UBE3A: variants seen among roughly 807,000 people sequenced by gnomAD.
The protein encoded by UBE3A is ubiquitin protein ligase E3A, also known as ubiquitin-protein ligase E3A.
In UBE3A, 6 loss-of-function variants were observed where a neutral mutation model predicts 83.4. The ratio of observed to expected loss-of-function variants is 0.07; its 90% confidence interval spans 0.04 to 0.14. UBE3A has a LOEUF of 0.14. Ranked by LOEUF, UBE3A falls within the 10% of genes least tolerant of loss-of-function variation. The probability of loss-of-function intolerance (pLI) is 1.00; values close to 1 mark genes in which losing one functional copy is unlikely to be tolerated. For missense variants in UBE3A, 456 were observed against 1,036.1 expected (o/e 0.44, Z 7.69); for synonymous variants, 337 against 355.4 (o/e 0.95, Z 0.58).
intron 4 of UBE3A, among the ~76,000 whole-genome samples, chr15:25,401,067 A>G (rs1596185746): frequency 2.0e-5 from 3 of 152,204 alleles, no homozygotes; most frequent in South Asian, 4.1e-4. Context: ...TATTGAAATG[A>G]TAACATGGTT....
rs2074002070 is a variant in UBE3A, at chr15:25,337,096, C to T, written c.*2041G>A. On this transcript the variant is annotated 3_prime_UTR_variant, in exon 13 of 13. Coordinates refer to ENST00000648336, the MANE Select transcript of UBE3A (RefSeq NM_130839.5). ...AATTTTAAGGGTAGGTTCATTCTGA[C>T]TCTGTTAAAAGTCTACTTGATGTGA... is the stretch of plus-strand genomic sequence containing the variant. 6.6e-6 allele frequency: 1 copy of T among 152,088 alleles called. No homozygotes were observed. The highest frequency in any genetic ancestry group is 2.1e-4 in the South Asian group (1 of 4,826). 9.4% of individuals were successfully genotyped at this position (152,088 alleles called of 1,614,324 possible). A position where few individuals can be genotyped will look rare whatever the true frequency, so the allele number is the denominator to read the frequency against.
chr15:25,370,721 T>C lies in UBE3A; in HGVS notation c.1453A>G (p.Thr485Ala). Residue 485 changes from threonine (T) to alanine (A), a missense_variant, in exon 6 of 13, where the codon ACA (threonine) becomes GCA (alanine). Transcript: ENST00000648336. The surrounding 1 kb of genome is among the most constrained non-coding windows in gnomAD (Gnocchi z 4.2). ...MTCPFILNAVTKNLGLYYDNR... is the reference protein window; with the variant it reads ...MTCPFILNAVAKNLGLYYDNR... ...TCATAATATAATCCCAAATTCTTTGTGACAGCATTCAATATAAAGGGACAT... is the reference window on the plus strand; with the variant it reads ...TCATAATATAATCCCAAATTCTTTGCGACAGCATTCAATATAAAGGGACAT... 6.2e-7 allele frequency: 1 copy of C among 1,614,156 alleles called. No homozygotes were observed. The highest frequency in any genetic ancestry group is 8.5e-7 in the Non-Finnish European group (1 of 1,180,004).
chr15:25,388,134 C>A (rs1161031569), intron 4 of UBE3A, among the ~76,000 whole-genome samples: 1 of 152,122 alleles, frequency 6.6e-6, no homozygotes, highest in East Asian at 1.9e-4. Flanking sequence ...TACTCTAATA[C>A]CCAAACCAGA....
rs1042425515 is a variant in UBE3A, at chr15:25,348,011, T to C, written c.2354+6342A>G. 8.2e-4 allele frequency among the ~76,000 whole-genome samples: 125 copies of C among 151,970 alleles called. 2 individuals are homozygous for C. Among genetic ancestry groups the C allele is most frequent in the Admixed American group, 8.0e-3 (122 of 15,250 alleles). On this transcript the variant is annotated intron_variant, in intron 11 of 12. Coordinates refer to ENST00000648336, the MANE Select transcript of UBE3A (RefSeq NM_130839.5). Reference sequence around the variant, plus strand: ...GCAACACAGGATGAAAGTAAAATGATAGTAAAAGACAGATCATGCAAACAT... The same window carrying C: ...GCAACACAGGATGAAAGTAAAATGACAGTAAAAGACAGATCATGCAAACAT...
chr15:25,395,916 C>T (rs868612282), intron 4 of UBE3A, among the ~76,000 whole-genome samples: 26 of 152,262 alleles, frequency 1.7e-4, no homozygotes, highest in Middle Eastern at 3.4e-3. Context: ...CATAAAAAAT[C>T]TGATCTGGTT....
chr15:25,346,219 C>T (rs1020014622), intron 11 of UBE3A: 1 of 152,330 alleles, frequency 6.6e-6, no homozygotes, highest in Admixed American at 6.5e-5. Flanking sequence ...GTCCTCTTCC[C>T]TCACCCAAAC....
At position 25,361,805 on chromosome 15, in the gene UBE3A, T is replaced by C. The variant is rs555103587; in HGVS notation, c.1609-1278A>G. On this transcript the variant is annotated intron_variant, in intron 6 of 12. Transcript: ENST00000648336. ...CAGGATATTAAATGTTTTCAGGTTA[T>C]TCCAACTATTTCAAACAGAATTTTA... 2.0e-5 allele frequency among the ~76,000 whole-genome samples: 3 copies of C among 152,328 alleles called. No homozygotes were observed. The South Asian group carries it at 6.2e-4, about 32-fold the overall frequency.
chr15:25,426,522 T>C (rs1891366462), intron 1 of UBE3A, among the ~76,000 whole-genome samples: 1 of 152,228 alleles, frequency 6.6e-6, no homozygotes, highest in Non-Finnish European at 1.5e-5. Context: ...GGGTTTTTCC[T>C]TGAAGGAATC....
intron 4 of UBE3A, among the ~76,000 whole-genome samples, chr15:25,387,140 T>C (rs1285788849): frequency 1.3e-5 from 2 of 152,170 alleles, no homozygotes; most frequent in Non-Finnish European, 2.9e-5. Flanking sequence ...ATTGAAAATA[T>C]CATGAAAACA....
chr15:25,380,507 C>A (rs12899183), intron 4 of UBE3A, among the ~76,000 whole-genome samples: 57,599 of 151,594 alleles, frequency 0.38, 14,420 homozygotes, highest in African/African-American at 0.72. Flanking sequence ...CTGAGCAAAT[C>A]CGTAAAATAA....
Position 25,369,388 on chromosome 15 carries a change from A to AAC in UBE3A, c.1608+1177_1608+1178insGT, listed in dbSNP as rs747532342. ...CAAACCAGTAACAAAAAAAAAAAAA[A>AAC]CACACAAAATCTCTGCAATTTTTAA... is the stretch of plus-strand genomic sequence containing the variant. On this transcript the variant is annotated intron_variant, in intron 6 of 12. Transcript: ENST00000648336. Among the ~76,000 whole-genome samples the AAC allele has an allele frequency of 8.0e-3, 1,187 of 147,924 alleles. 17 individuals are homozygous for AAC. Among genetic ancestry groups the AAC allele is most frequent in the African/African-American group, 0.028 (1,101 of 39,566 alleles).
chr15:25,364,928 G>A (rs990867360), intron 6 of UBE3A, among the ~76,000 whole-genome samples: 2 of 151,762 alleles, frequency 1.3e-5, no homozygotes, highest in Non-Finnish European at 1.5e-5. Context: ...TTACAGGTGT[G>A]AGCCACCGCG....
chr15:25,414,367 A>C (rs540671350), intron 1 of UBE3A, among the ~76,000 whole-genome samples: 3 of 152,318 alleles, frequency 2.0e-5, no homozygotes, highest in African/African-American at 7.2e-5. Flanking sequence ...AGGTGGATGA[A>C]GATGCAGAGG....
chr15:25,386,925 AGT>A lies in UBE3A; in HGVS notation c.63-11164_63-11163del, dbSNP rs1172036931. Among the ~76,000 whole-genome samples, 7 of 152,316 alleles carry A rather than the reference AGT, an allele frequency of 4.6e-5. No individual in the cohort carries two copies. In the East Asian group the frequency reaches 1.4e-3, roughly 29 times the overall value. ...TTGTCAGTACACCTGCCTTGCAATA[AGT>A]GTTGGGAAGTTCAGAAACTGAAATC... On this transcript the variant is annotated intron_variant, in intron 4 of 12. Coordinates refer to ENST00000648336, the MANE Select transcript of UBE3A (RefSeq NM_130839.5).
intron 4 of UBE3A, among the ~76,000 whole-genome samples, chr15:25,394,841 T>C (rs1050690311): frequency 6.6e-6 from 1 of 152,208 alleles, no homozygotes; most frequent in African/African-American, 2.4e-5. Flanking sequence ...TTCTTTCATG[T>C]AGGAAGTAGT....
chr15:25,374,660 G>A (rs997710384), intron 5 of UBE3A: 2 of 152,130 alleles, frequency 1.3e-5, no homozygotes, highest in African/African-American at 4.8e-5. Flanking sequence ...GTTAGTGAAA[G>A]TTTTAGAGGC....
At chr15:25,406,676 T>C (rs1471359925) in intron 3 of UBE3A, among the ~76,000 whole-genome samples, 1 of 128,980 alleles carries the variant, frequency 7.8e-6, no homozygotes, top group Non-Finnish European at 1.6e-5. Context: ...CTAACAAGAA[T>C]CTTAAAATCA....
intron 4 of UBE3A, among the ~76,000 whole-genome samples, chr15:25,393,367 TTA>T (rs139242391): frequency 5.3e-5 from 8 of 152,234 alleles, no homozygotes; most frequent in African/African-American, 1.9e-4. Flanking sequence ...TTTATTTATA[TTA>T]TATCACTGAA....
chr15:25,362,796 A>G (rs1000648065), intron 6 of UBE3A, among the ~76,000 whole-genome samples: 4 of 152,214 alleles, frequency 2.6e-5, no homozygotes, highest in African/African-American at 9.6e-5. Context: ...TCCTTATGCC[A>G]GTTCCCAACT....
Sources: allele counts gnomAD v4.1 joint callset (sites outside exome capture counted in the v4.1 genomes callset), GRCh38; gene constraint gnomAD v4.1.1; non-coding constraint Gnocchi (gnomAD v3.1); transcripts MANE v1.5; gene names NCBI Gene and HGNC (gene_info 2026-07-23, HGNC 2026-07-21).